The following TCF7 variants were observed in gnomAD, a reference collection of about 807,000 sequenced individuals.
TCF7 encodes transcription factor 7, also known as T-cell-factor-7.
A neutral mutation model predicts 46.8 loss-of-function variants in TCF7; 19 were observed. That is an observed-to-expected ratio of 0.41 (90% confidence interval 0.28 to 0.60). The LOEUF (loss-of-function observed/expected upper bound fraction) is 0.60. Among genes scored for constraint, TCF7 ranks in the 20% least tolerant of loss-of-function variants. The pLI is 0.35. For missense variants in TCF7, 547 were observed against 504.6 expected (o/e 1.08, Z -0.81); for synonymous variants, 245 against 213.4 (o/e 1.15, Z -1.29).
At chr5:134,140,978 C>T (rs531378165) in intron 5 of TCF7, 2 of 328,576 alleles carry the variant, frequency 6.1e-6, no homozygotes, top group African/African-American at 4.4e-5. Flanking sequence ...AGTGCTTGCC[C>T]TGTGTTAGTC....
chr5:134,115,761 G>C (rs1249416616), intron 2 of TCF7, 148 bp from the exon 3 acceptor site: 15 of 1,469,486 alleles, frequency 1.0e-5, no homozygotes, highest in Non-Finnish European at 1.3e-5. Flanking sequence ...CCTAAAACTT[G>C]GCACTGCCGA....
In TCF7 at chr5:134,143,007, G is replaced by C; in HGVS notation, c.933G>C (p.Ser311=). Residue 311 remains serine (S), a synonymous_variant, in exon 8 of 10, where the codon TCG becomes TCC. Coordinates refer to ENST00000342854, the MANE Select transcript of TCF7 (RefSeq NM_003202.5). ...QILGRRWHAL[S]REEQAKYYEL... ...CCCTGTTGCAGTGGCACGCGCTGTC[G>C]CGAGAAGAGCAGGCCAAGTACTATG... 2 of 1,612,818 alleles carry C rather than the reference G, an allele frequency of 1.2e-6. No homozygotes were observed. The highest frequency in any genetic ancestry group is 1.7e-6 in the Non-Finnish European group (2 of 1,179,390).
At chr5:134,135,082 T>G (rs542311262) in intron 3 of TCF7, among the ~76,000 whole-genome samples, 61 of 152,294 alleles carry the variant, frequency 4.0e-4, no homozygotes, top group Non-Finnish European at 5.7e-4. Flanking sequence ...ACCTTCTGAG[T>G]AGCTGAGGCT....
intron 5 of TCF7, chr5:134,140,989 G>A (rs1759663906): frequency 2.8e-5 from 9 of 322,588 alleles, no homozygotes; most frequent in East Asian, 2.3e-4. Context: ...TGTGTTAGTC[G>A]TTTGTCCATC....
At chr5:134,120,044 G>A (rs1285506847) in intron 3 of TCF7, among the ~76,000 whole-genome samples, 1 of 152,170 alleles carries the variant, frequency 6.6e-6, no homozygotes, top group Non-Finnish European at 1.5e-5. Flanking sequence ...CGAGAGGAGC[G>A]CTGTCACTGA....
intron 3 of TCF7, among the ~76,000 whole-genome samples, chr5:134,135,373 A>AAT (rs1758719286): frequency 1.3e-5 from 2 of 152,130 alleles, no homozygotes; most frequent in African/African-American, 4.8e-5. Context: ...GGACTGGCGG[A>AAT]GGGGCAGGAG....
intron 3 of TCF7, among the ~76,000 whole-genome samples, chr5:134,126,880 G>A (rs1249240150): frequency 6.6e-6 from 1 of 150,624 alleles, no homozygotes; most frequent in Non-Finnish European, 1.5e-5. Flanking sequence ...CTGGGCGACA[G>A]AGCTAGACTC....
intron 3 of TCF7, among the ~76,000 whole-genome samples, chr5:134,118,039 T>C (rs1049162740): frequency 6.6e-6 from 1 of 152,238 alleles, no homozygotes; most frequent in Admixed American, 6.5e-5. Context: ...CTGCCAGTTA[T>C]AAACACATAG....
In TCF7 at chr5:134,123,526, C is replaced by T. The variant is rs906803946; in HGVS notation, c.441+7493C>T. On this transcript the variant is annotated intron_variant, in intron 3 of 9. Coordinates refer to ENST00000342854, the MANE Select transcript of TCF7 (RefSeq NM_003202.5). ...GAGGCTCCTGAGAGAGGGGCCTGCACAGGTGAGAGGGGGAGAACACTCTGG... is the reference window on the plus strand; with the variant it reads ...GAGGCTCCTGAGAGAGGGGCCTGCATAGGTGAGAGGGGGAGAACACTCTGG... 5 of 373,276 alleles carry T rather than the reference C, an allele frequency of 1.3e-5. No individual in the cohort carries two copies. The Admixed American group carries it at 1.6e-4, about 12-fold the overall frequency. The allele number at this position is 373,276 out of a possible 1,614,324, so 23.1% of individuals were successfully genotyped here. A position where few individuals can be genotyped will look rare whatever the true frequency, so the allele number is the denominator to read the frequency against.
At chr5:134,126,772 C>G (rs547458405) in intron 3 of TCF7, among the ~76,000 whole-genome samples, 42 of 152,278 alleles carry the variant, frequency 2.8e-4, no homozygotes, top group Middle Eastern at 3.4e-3. Flanking sequence ...TGGCACACGC[C>G]TGTAATCCCA....
At chr5:134,114,201 A>G (rs1755481016), upstream of TCF7, among the ~76,000 whole-genome samples, 1 of 152,188 alleles carries the variant, frequency 6.6e-6, no homozygotes, top group African/African-American at 2.4e-5. Flanking sequence ...GGATGGGGCA[A>G]GAGCCGCAAC....
intron 9 of TCF7, chr5:134,145,355 T>C: frequency 1.8e-6 from 1 of 544,352 alleles, no homozygotes; most frequent in East Asian, 5.0e-5. Flanking sequence ...CCTTATGACT[T>C]GCTATCTTGT....
chr5:134,135,999 G>A (rs1466002592), intron 3 of TCF7, among the ~76,000 whole-genome samples: 2 of 152,208 alleles, frequency 1.3e-5, no homozygotes, highest in African/African-American at 4.8e-5. Flanking sequence ...TCAGGATGGT[G>A]GAAGTCACTG....
At chr5:134,137,950 T>C in intron 3 of TCF7, 109 bp from the exon 4 acceptor site, 1 of 898,038 alleles carries the variant, frequency 1.1e-6, no homozygotes, top group Non-Finnish European at 1.7e-6. Flanking sequence ...AGGCCTGTGG[T>C]TTTGGCCACC....
rs756042640 is a variant in TCF7, at chr5:134,146,425, T to C, written c.*122T>C. Reference sequence around the variant, plus strand: ...CTACATCCCCAGGTCTCTCCACTGCTCTCAGCCTCCCAACCCCAGGGCCCC... The same window carrying C: ...CTACATCCCCAGGTCTCTCCACTGCCCTCAGCCTCCCAACCCCAGGGCCCC... On this transcript the variant is annotated 3_prime_UTR_variant, in exon 10 of 10. Coordinates refer to ENST00000342854, the MANE Select transcript of TCF7 (RefSeq NM_003202.5). The C allele has an allele frequency of 3.5e-5, 44 of 1,240,700 alleles. No individual in the cohort carries two copies. In the African/African-American group the frequency reaches 6.4e-4, roughly 18 times the overall value. The allele number at this position is 1,240,700 out of a possible 1,614,324, so 76.9% of individuals were successfully genotyped here.
At position 134,120,141 on chromosome 5, in the gene TCF7, A is replaced by G. The variant is rs1238584347; in HGVS notation, c.441+4108A>G. On this transcript the variant is annotated intron_variant, in intron 3 of 9. Coordinates refer to ENST00000342854, the MANE Select transcript of TCF7 (RefSeq NM_003202.5). ...CTGAAGGCCACAGGGTGTCCAACAG[A>G]TGAAGACAGAGGAGGGACTGGCAGG... is the stretch of plus-strand genomic sequence containing the variant. Among the ~76,000 whole-genome samples the G allele has an allele frequency of 2.0e-5, 3 of 152,134 alleles. No individual in the cohort carries two copies. In the South Asian group the frequency reaches 6.2e-4, roughly 31 times the overall value.
upstream of TCF7, among the ~76,000 whole-genome samples, chr5:134,112,810 A>C (rs560120094): frequency 6.6e-6 from 1 of 152,214 alleles, no homozygotes; most frequent in East Asian, 1.9e-4. Context: ...AACAAAAAGA[A>C]CCTCACTGTT....
At position 134,126,359 on chromosome 5, in the gene TCF7, G is replaced by A. The variant is rs554919074; in HGVS notation, c.441+10326G>A. Among the ~76,000 whole-genome samples the A allele has an allele frequency of 1.2e-4, 18 of 152,360 alleles. No homozygotes were observed. In the East Asian group the frequency reaches 2.5e-3, roughly 21 times the overall value. ...CTGGGAGAGCCAAGGCCACAGGGTCGATGGCCATGTTGCAGGGGGTGGTGT... is the reference window on the plus strand; with the variant it reads ...CTGGGAGAGCCAAGGCCACAGGGTCAATGGCCATGTTGCAGGGGGTGGTGT... On this transcript the variant is annotated intron_variant, in intron 3 of 9. Transcript: ENST00000342854.
At chr5:134,131,522 A>G (rs1409218152) in intron 3 of TCF7, among the ~76,000 whole-genome samples, 2 of 152,194 alleles carry the variant, frequency 1.3e-5, no homozygotes, top group Admixed American at 1.3e-4. Context: ...CCAGCTCCAG[A>G]CCAGGCTTCA....
Sources: gnomAD v4.1 joint callset for allele counts (sites outside exome capture counted in the v4.1 genomes callset) on GRCh38, gnomAD v4.1.1 for gene constraint, MANE v1.5 for transcripts, NCBI Gene and HGNC (gene_info 2026-07-23, HGNC 2026-07-21) for gene names.